Variants in DLGAP1 observed in about 807,000 individuals in gnomAD.
The protein encoded by DLGAP1 is DLG associated protein 1, also known as disks large-associated protein 1.
Under a neutral mutation model 90.8 loss-of-function variants are expected in DLGAP1, and 11 were observed. The ratio of observed to expected loss-of-function variants is 0.12; its 90% CI spans 0.08 to 0.20. The LOEUF (loss-of-function observed/expected upper bound fraction) is 0.20, where lower values mean the gene tolerates loss of function less well. Among genes scored for constraint, DLGAP1 ranks in the 10% least tolerant of loss-of-function variants. The probability of loss-of-function intolerance (pLI) is 1.00; values close to 1 mark genes in which losing one functional copy is unlikely to be tolerated. For missense variants in DLGAP1, 1,050 were observed against 1,333.8 expected (o/e 0.79, Z 3.31); for synonymous variants, 558 against 540.7 (o/e 1.03, Z -0.44).
chr18:3,615,914 G>C (rs527885379), intron 7 of DLGAP1, among the ~76,000 whole-genome samples: 43 of 152,306 alleles, frequency 2.8e-4, no homozygotes, highest in Middle Eastern at 3.4e-3. Context: ...TATTTTAAAA[G>C]GGAGGTTTCT....
intron 4 of DLGAP1, among the ~76,000 whole-genome samples, chr18:3,875,503 T>C (rs980528508): frequency 6.6e-6 from 1 of 152,158 alleles, no homozygotes; most frequent in Non-Finnish European, 1.5e-5. Context: ...TTGGAGGAGG[T>C]AGAGATTGGG....
At chr18:4,173,024 G>A (rs571557557) in intron 1 of DLGAP1, among the ~76,000 whole-genome samples, 18 of 152,270 alleles carry the variant, frequency 1.2e-4, no homozygotes, top group South Asian at 8.3e-4. Context: ...ATGATAGAAG[G>A]TTTTCCACAA....
At chr18:4,141,737 A>G (rs148386176) in intron 2 of DLGAP1, among the ~76,000 whole-genome samples, 8 of 151,716 alleles carry the variant, frequency 5.3e-5, no homozygotes, top group South Asian at 4.2e-4. Flanking sequence ...TGCTTGATCA[A>G]TTCTGCTGGT....
intron 2 of DLGAP1, among the ~76,000 whole-genome samples, chr18:4,034,162 C>T (rs954371754): frequency 6.6e-6 from 1 of 151,692 alleles, no homozygotes; most frequent in Admixed American, 6.6e-5. Context: ...CTGCCTCAGC[C>T]TCCCGAGTAG....
chr18:4,297,948 A>C (rs917440266), intron 1 of DLGAP1, among the ~76,000 whole-genome samples: 1 of 152,114 alleles, frequency 6.6e-6, no homozygotes, highest in African/African-American at 2.4e-5. Flanking sequence ...TGGGAACTAG[A>C]GCCACAAGCC....
intron 1 of DLGAP1, among the ~76,000 whole-genome samples, chr18:4,402,095 G>C (rs1373953709): frequency 2.6e-5 from 4 of 152,138 alleles, no homozygotes; most frequent in Admixed American, 2.6e-4. Context: ...CAATAGCAGG[G>C]GGCTACTGAT....
At chr18:3,661,099 T>C (rs2059665539) in intron 7 of DLGAP1, among the ~76,000 whole-genome samples, 1 of 152,364 alleles carries the variant, frequency 6.6e-6, no homozygotes, top group South Asian at 2.1e-4. Context: ...AGTTTCACTA[T>C]GTTTCTTAGG....
intron 1 of DLGAP1, among the ~76,000 whole-genome samples, chr18:4,302,984 T>C (rs2080162796): frequency 6.6e-6 from 1 of 152,196 alleles, no homozygotes; most frequent in Non-Finnish European, 1.5e-5. Context: ...CTATTGTAGA[T>C]GGGATTCTCT....
chr18:3,635,106 T>C lies in DLGAP1; in HGVS notation c.1592-52858A>G, dbSNP rs16945143. Among the ~76,000 whole-genome samples, 1,318 of 151,670 alleles carry C rather than the reference T, an allele frequency of 8.7e-3. 17 individuals are homozygous for C. Among genetic ancestry groups the C allele is most frequent in the African/African-American group, 0.029 (1,215 of 41,330 alleles). On this transcript the variant is annotated intron_variant, in intron 7 of 12. Transcript: ENST00000315677. ...ACCACAGAAAGTTTCATATACAAAC[T>C]AGTCAAGAGTCTGGTTGTCTGTCCC...
intron 7 of DLGAP1, among the ~76,000 whole-genome samples, chr18:3,614,921 T>C (rs922956713): frequency 6.6e-6 from 1 of 151,878 alleles, no homozygotes; most frequent in Admixed American, 6.6e-5. Flanking sequence ...ATTTTTATTT[T>C]ATTTATTTAT....
At chr18:3,769,317 C>T (rs903218713) in intron 5 of DLGAP1, among the ~76,000 whole-genome samples, 2 of 152,120 alleles carry the variant, frequency 1.3e-5, no homozygotes, top group African/African-American at 4.8e-5. Flanking sequence ...AATGGTACAA[C>T]CACTCTGTAA....
At chr18:3,870,637 TATCTATCTATCTATCA>T (rs1027278835) in intron 4 of DLGAP1, among the ~76,000 whole-genome samples, 4 of 138,150 alleles carry the variant, frequency 2.9e-5, no homozygotes, top group Non-Finnish European at 6.7e-5. Context: ...TCTATCTATC[TATCTATCTATCTATCA>T]AATAAAGTTT....
At chr18:4,180,204 C>T (rs2077182991) in intron 1 of DLGAP1, among the ~76,000 whole-genome samples, 1 of 152,148 alleles carries the variant, frequency 6.6e-6, no homozygotes, top group African/African-American at 2.4e-5. Flanking sequence ...CTACTTCACA[C>T]AGAATGAAAC....
intron 7 of DLGAP1, among the ~76,000 whole-genome samples, chr18:3,640,801 C>T (rs1262160487): frequency 1.3e-5 from 2 of 152,258 alleles, no homozygotes; most frequent in Non-Finnish European, 2.9e-5. Context: ...AATATGACTA[C>T]TGTTACTATT....
chr18:4,243,961 G>A (rs1219895292), intron 1 of DLGAP1, among the ~76,000 whole-genome samples: 2 of 152,030 alleles, frequency 1.3e-5, no homozygotes, highest in East Asian at 3.9e-4. Flanking sequence ...TAATAGTAAT[G>A]CCACGAACAC....
intron 2 of DLGAP1, among the ~76,000 whole-genome samples, chr18:4,052,515 G>T (rs1045740163): frequency 6.6e-6 from 1 of 152,068 alleles, no homozygotes; most frequent in Non-Finnish European, 1.5e-5. Flanking sequence ...CAGCATGGGG[G>T]GCCCTGGACC....
chr18:3,951,797 C>T (rs2072990777), intron 3 of DLGAP1, among the ~76,000 whole-genome samples: 1 of 152,102 alleles, frequency 6.6e-6, no homozygotes, highest in Admixed American at 6.6e-5. Flanking sequence ...ACATTTTTTT[C>T]TCTCTTGTTG....
At chr18:4,021,684 G>A (rs886682298) in intron 2 of DLGAP1, among the ~76,000 whole-genome samples, 2 of 151,850 alleles carry the variant, frequency 1.3e-5, no homozygotes, top group East Asian at 1.9e-4. Context: ...TACAACCTCC[G>A]CCTCCTGGAT....
At chr18:3,862,904 C>T (rs555637835) in intron 4 of DLGAP1, among the ~76,000 whole-genome samples, 7 of 152,380 alleles carry the variant, frequency 4.6e-5, no homozygotes, top group South Asian at 2.1e-4. Flanking sequence ...CTCCCTGCCC[C>T]GCTTTGGGCA....
Sources: allele counts gnomAD v4.1 joint callset (sites outside exome capture counted in the v4.1 genomes callset), GRCh38; gene constraint gnomAD v4.1.1; transcripts MANE v1.5; gene names NCBI Gene and HGNC (gene_info 2026-07-23, HGNC 2026-07-21).